Variants in KLHL32 observed in about 807,000 individuals in gnomAD.
The protein encoded by KLHL32 is kelch-like protein 32.
A neutral mutation model predicts 64.8 loss-of-function variants in KLHL32; 35 were observed. The observed-to-expected ratio is 0.54, with a 90% CI of 0.41 to 0.72. The LOEUF (loss-of-function observed/expected upper bound fraction) is 0.72. Ranked by LOEUF, KLHL32 falls within the 30% of genes least tolerant of loss-of-function variation. The probability of loss-of-function intolerance (pLI) is 0.00; values close to 1 mark genes in which losing one functional copy is unlikely to be tolerated. For synonymous variants in KLHL32, 259 were observed against 281.0 expected (o/e 0.92, Z 0.78); for missense variants, 589 against 768.5 (o/e 0.77, Z 2.76).
At chr6:97,081,640 T>C (rs139400631) in intron 5 of KLHL32, among the ~76,000 whole-genome samples, 1 of 152,312 alleles carries the variant, frequency 6.6e-6, no homozygotes, top group Admixed American at 6.5e-5. Flanking sequence ...CCACTCCAAG[T>C]CAACTCCAAG....
intron 6 of KLHL32, among the ~76,000 whole-genome samples, chr6:97,101,763 A>G (rs1228732650): frequency 1.3e-5 from 2 of 152,208 alleles, no homozygotes; most frequent in Non-Finnish European, 2.9e-5. Context: ...TTGTGCTGCC[A>G]TGGTTTTATT....
chr6:97,138,169 G>C (rs1484814298), intron 10 of KLHL32, among the ~76,000 whole-genome samples: 1 of 152,204 alleles, frequency 6.6e-6, no homozygotes, highest in South Asian at 2.1e-4. Flanking sequence ...CCTGAAGAAA[G>C]AATTTTCCTG....
chr6:97,131,563 A>T (rs1799448754), intron 9 of KLHL32, among the ~76,000 whole-genome samples: 1 of 152,052 alleles, frequency 6.6e-6, no homozygotes, highest in Non-Finnish European at 1.5e-5. Flanking sequence ...CTTACCCCTC[A>T]TGTTTCTTTA....
At chr6:96,960,476 G>A (rs1345240606) in intron 1 of KLHL32, among the ~76,000 whole-genome samples, 2 of 152,182 alleles carry the variant, frequency 1.3e-5, no homozygotes, top group African/African-American at 4.8e-5. Flanking sequence ...TGTTGAACAT[G>A]TTAATAAACT....
chr6:97,086,124 T>C (rs1424984181), intron 6 of KLHL32, among the ~76,000 whole-genome samples: 1 of 152,224 alleles, frequency 6.6e-6, no homozygotes, highest in East Asian at 1.9e-4. Flanking sequence ...TTGTTACTTG[T>C]AGGGTGCCAT....
At chr6:97,117,327 T>A (rs1228356525) in intron 7 of KLHL32, among the ~76,000 whole-genome samples, 1 of 152,236 alleles carries the variant, frequency 6.6e-6, no homozygotes, top group Non-Finnish European at 1.5e-5. Context: ...TCTGGTATTT[T>A]GCAAACTTTG....
chr6:96,913,963 T>C, the KLHL32 span, among the ~76,000 whole-genome samples: 1 of 152,142 alleles, frequency 6.6e-6, no homozygotes, highest in Non-Finnish European at 1.5e-5. Flanking sequence ...AGTAGAGAGG[T>C]TATCCTGGAT....
intron 6 of KLHL32, among the ~76,000 whole-genome samples, chr6:97,095,622 G>A (rs1794879238): frequency 6.6e-6 from 1 of 152,126 alleles, no homozygotes; most frequent in Non-Finnish European, 1.5e-5. Flanking sequence ...ATGCCTTCTA[G>A]GCAGAAGGAA....
intron 1 of KLHL32, among the ~76,000 whole-genome samples, chr6:96,930,525 A>C (rs1046693449): frequency 3.3e-5 from 5 of 152,186 alleles, no homozygotes; most frequent in African/African-American, 1.2e-4. Flanking sequence ...GTGTGTAATA[A>C]AATCTCAGTA....
In KLHL32 at chr6:97,019,271, G is replaced by A. The variant is rs112640562; in HGVS notation, c.205-22221G>A. On this transcript the variant is annotated intron_variant, in intron 3 of 10. Coordinates refer to ENST00000369261, the MANE Select transcript of KLHL32 (RefSeq NM_052904.4). ...CCTTTTTGCAATTTGCGTTCCTTGG[G>A]AAGTAGACTCTGAGACAGAGATTAG... 9.4e-3 allele frequency among the ~76,000 whole-genome samples: 1,425 copies of A among 152,328 alleles called. 18 individuals carry two copies. The highest frequency in any genetic ancestry group is 0.031 in the African/African-American group (1,304 of 41,562).
At chr6:96,916,640 A>G in the KLHL32 span, among the ~76,000 whole-genome samples, 29 of 152,314 alleles carry the variant, frequency 1.9e-4, no homozygotes, top group East Asian at 4.4e-3. Context: ...GCCTCTGTGC[A>G]CATAAAAATT....
intron 1 of KLHL32, among the ~76,000 whole-genome samples, chr6:96,946,244 TATATA>T (rs1382858470): frequency 6.6e-6 from 1 of 152,208 alleles, no homozygotes; most frequent in African/African-American, 2.4e-5. Flanking sequence ...TAAGAATAGA[TATATA>T]ATATCTATTT....
At chr6:97,083,166 C>T (rs139389134) in intron 5 of KLHL32, among the ~76,000 whole-genome samples, 1,951 of 152,092 alleles carry the variant, frequency 0.013, 50 homozygotes, top group African/African-American at 0.045. Context: ...CCAAGGTGGG[C>T]GGATCATGAG....
chr6:97,109,622 G>A (rs7766733), intron 6 of KLHL32, among the ~76,000 whole-genome samples: 7,735 of 152,216 alleles, frequency 0.051, 679 homozygotes, highest in African/African-American at 0.18. Flanking sequence ...ACTGCTTGCT[G>A]GAAAGATAAA....
chr6:96,969,215 G>A (rs1368629650), intron 2 of KLHL32, among the ~76,000 whole-genome samples: 2 of 152,132 alleles, frequency 1.3e-5, no homozygotes, highest in Non-Finnish European at 2.9e-5. Flanking sequence ...CAGCCACTCA[G>A]TTTCATGGCC....
chr6:97,137,502 C>G (rs944089316), intron 10 of KLHL32, among the ~76,000 whole-genome samples: 4 of 152,088 alleles, frequency 2.6e-5, no homozygotes, highest in Admixed American at 6.5e-5. Flanking sequence ...TTCAAGGGCC[C>G]ATTTCCTGTA....
At chr6:97,126,531 G>T (rs1227778115) in intron 7 of KLHL32, among the ~76,000 whole-genome samples, 1 of 151,990 alleles carries the variant, frequency 6.6e-6, no homozygotes, top group Non-Finnish European at 1.5e-5. Context: ...AGGTCTCTTA[G>T]ATCTAAGCAG....
At chr6:96,903,377 A>G in the KLHL32 span, among the ~76,000 whole-genome samples, 1 of 152,204 alleles carries the variant, frequency 6.6e-6, no homozygotes, top group Non-Finnish European at 1.5e-5. Flanking sequence ...AAAGAATAGA[A>G]TAAGGAATAG....
chr6:96,993,572 G>A lies in KLHL32; in HGVS notation c.204+17395G>A, dbSNP rs564283392. On this transcript the variant is annotated intron_variant, in intron 3 of 10. Transcript: ENST00000369261. ...AATCATTTTAAGAGGGTGTACAAAA[G>A]GGCATAGACACAAGTAGGGGAACAT... is the stretch of plus-strand genomic sequence containing the variant. 1.6e-4 allele frequency among the ~76,000 whole-genome samples: 25 copies of A among 152,306 alleles called. No individual in the cohort carries two copies. The East Asian group carries it at 4.8e-3, about 29-fold the overall frequency.
Sources: allele counts gnomAD v4.1 joint callset (sites outside exome capture counted in the v4.1 genomes callset), GRCh38; gene constraint gnomAD v4.1.1; transcripts MANE v1.5; gene names NCBI Gene and HGNC (gene_info 2026-07-23, HGNC 2026-07-21).